Variants in CXorf38 observed in about 807,000 individuals in gnomAD.
CXorf38 encodes the protein chromosome X open reading frame 38, also known as uncharacterized protein CXorf38.
In CXorf38, 13 loss-of-function variants were observed where a neutral mutation model predicts 27.5. The ratio of observed to expected loss-of-function variants is 0.47; its 90% CI spans 0.31 to 0.75. The LOEUF is 0.75. Ranked by LOEUF, CXorf38 falls within the 30% of genes least tolerant of loss-of-function variation. The probability of loss-of-function intolerance (pLI) is 0.05; values close to 1 mark genes in which losing one functional copy is unlikely to be tolerated. For synonymous variants in CXorf38, 100 were observed against 99.8 expected, an observed-to-expected ratio of 1.00 and a Z score of -0.01; for missense variants, 240 against 253.2, an observed-to-expected ratio of 0.95 and a Z score of 0.35.
chrX:40,640,404 C>G (rs983104660), intron 2 of CXorf38: 2 of 216,237 alleles, frequency 9.2e-6, no homozygotes, highest in African/African-American at 3.0e-5. Context: ...AAACACATAT[C>G]AATAGGCAAG....
At chrX:40,638,854 C>T (rs1200341597) in intron 3 of CXorf38, among the ~76,000 whole-genome samples, 155 bp downstream of exon 3, 2 of 111,632 alleles carry the variant, frequency 1.8e-5, no homozygotes, top group Non-Finnish European at 3.8e-5. Flanking sequence ...AACTTCGAAC[C>T]CAAGTCTAAC....
intron 5 of CXorf38, among the ~76,000 whole-genome samples, chrX:40,631,868 C>T (rs1032631593): frequency 5.4e-5 from 6 of 110,923 alleles, no homozygotes; most frequent in Admixed American, 2.9e-4. Flanking sequence ...GTGGCCAGGA[C>T]GCACGGGGAG....
intron 2 of CXorf38, 111 bp downstream of exon 2, chrX:40,646,896 C>A: frequency 1.1e-6 from 1 of 898,273 alleles, no homozygotes; most frequent in Admixed American, 3.7e-5. Flanking sequence ...CTTGATCAAT[C>A]TCTCTCTCTG....
chrX:40,638,846 C>A (rs56387342), intron 3 of CXorf38, among the ~76,000 whole-genome samples, 163 bp downstream of exon 3: 3,221 of 111,704 alleles, frequency 0.029, 62 homozygotes, highest in Admixed American at 0.083. Context: ...GCGATGCCAA[C>A]TTCGAACCCA....
Position 40,630,697 on chromosome X carries a change from A to G in CXorf38, c.878T>C (p.Met293Thr), listed in dbSNP as rs758515372. The G allele has an allele frequency of 7.4e-6, 9 of 1,209,743 alleles. No homozygotes were observed. The Admixed American group carries it at 1.5e-4, about 20-fold the overall frequency. Reference sequence around the variant, plus strand: ...TAGACAGAGGCTGTCTAGCTTCTGCATATCTTCTGTAAGGCCATTTCTAAG... The same window carrying G: ...TAGACAGAGGCTGTCTAGCTTCTGCGTATCTTCTGTAAGGCCATTTCTAAG... The part of the protein sequence containing the change: ...EDLRNGLTED[M>T]QKLDSLCLHQ... The change falls in exon 6 of 7, where the codon ATG (methionine) becomes ACG (threonine). Residue 293 changes from methionine to threonine, a missense_variant. Coordinates refer to ENST00000327877, the MANE Select transcript of CXorf38 (RefSeq NM_144970.3).
intron 5 of CXorf38, 81 bp from the exon 6 acceptor site, chrX:40,630,854 C>T: frequency 1.1e-6 from 1 of 951,928 alleles, no homozygotes; most frequent in South Asian, 2.5e-5. Context: ...CTACTAGCTT[C>T]TAGACTGGCT....
intron 5 of CXorf38, 28 bp downstream of exon 5, chrX:40,636,505 C>A: frequency 9.2e-7 from 1 of 1,081,847 alleles, no homozygotes. Flanking sequence ...TGTTAACTCA[C>A]ACAGAGCCTA....
At chrX:40,633,287 G>A (rs544338587) in intron 5 of CXorf38, among the ~76,000 whole-genome samples, 1 of 110,093 alleles carries the variant, frequency 9.1e-6, no homozygotes. Context: ...CCATTTCTCT[G>A]ACCTCTTCAC....
intron 2 of CXorf38, among the ~76,000 whole-genome samples, chrX:40,645,585 G>A (rs1247913930): frequency 9.1e-6 from 1 of 109,560 alleles, no homozygotes; most frequent in Non-Finnish European, 1.9e-5. Flanking sequence ...TGGGTTTACC[G>A]GCTCGTGATA....
intron 3 of CXorf38, among the ~76,000 whole-genome samples, chrX:40,637,483 G>A (rs1476652044): frequency 9.0e-6 from 1 of 111,003 alleles, no homozygotes; most frequent in Non-Finnish European, 1.9e-5. Context: ...AGCTGGCCAT[G>A]TGTAATGGTA....
At position 40,636,724 on chromosome X, in the gene CXorf38, C is replaced by A; in HGVS notation, c.622-12G>T. 8.5e-7 allele frequency: 1 copy of A among 1,181,800 alleles called. No homozygotes were observed. The highest frequency in any genetic ancestry group is 1.1e-6 in the Non-Finnish European group (1 of 877,021). On this transcript the variant is annotated splice_polypyrimidine_tract_variant and intron_variant, in intron 4 of 6. Transcript: ENST00000327877. ...TCAGACGTCAACAGCTGAGGGATTG[C>A]CACACAAATATATGAACTGATTTCA...
At chrX:40,636,872 A>C in intron 4 of CXorf38, 135 bp downstream of exon 4, 1 of 807,026 alleles carries the variant, frequency 1.2e-6, no homozygotes, top group Non-Finnish European at 1.8e-6. Context: ...TACAGATTTC[A>C]TATTGGCATT....
Position 40,636,386 on chromosome X carries a change from G to C in CXorf38, c.801+147C>G, listed in dbSNP as rs1928064885. On this transcript the variant is annotated intron_variant, in intron 5 of 6. Coordinates refer to ENST00000327877, the MANE Select transcript of CXorf38 (RefSeq NM_144970.3). Reference sequence around the variant, plus strand: ...TTGTTAAGAGGTAATATTACTCTGTGCCAAAAGCATATTCACACTTCTGGA... The same window carrying C: ...TTGTTAAGAGGTAATATTACTCTGTCCCAAAAGCATATTCACACTTCTGGA... The C allele has an allele frequency of 7.2e-6, 3 of 417,608 alleles. No homozygotes were observed. The African/African-American group carries it at 7.4e-5, about 10-fold the overall frequency. The allele number at this position is 417,608 out of a possible 1,213,427, so 34.4% of individuals were successfully genotyped here.
chrX:40,643,068 G>A (rs1928405459), intron 2 of CXorf38, among the ~76,000 whole-genome samples: 1 of 108,938 alleles, frequency 9.2e-6, no homozygotes, highest in Non-Finnish European at 1.9e-5. Flanking sequence ...GAACCACCGC[G>A]CCCAGCCACG....
chrX:40,646,975 T>C (rs1174375432), intron 2 of CXorf38, 32 bp downstream of exon 2: 1 of 1,198,998 alleles, frequency 8.3e-7, no homozygotes, highest in South Asian at 1.8e-5. Context: ...GACCCGCCGC[T>C]TCCTCCTTCC....
chrX:40,634,857 C>G (rs1462440083), intron 5 of CXorf38, among the ~76,000 whole-genome samples: 1 of 112,281 alleles, frequency 8.9e-6, no homozygotes, highest in Non-Finnish European at 1.9e-5. Context: ...TTTATCAACT[C>G]CACCTAGAGA....
chrX:40,645,627 A>T (rs1330281799), intron 2 of CXorf38, among the ~76,000 whole-genome samples: 2 of 110,006 alleles, frequency 1.8e-5, no homozygotes, highest in Non-Finnish European at 3.8e-5. Context: ...GATACAGTTC[A>T]ATTTTTTAAG....
chrX:40,645,781 T>C (rs1468700686), intron 2 of CXorf38, among the ~76,000 whole-genome samples: 2 of 111,000 alleles, frequency 1.8e-5, no homozygotes, highest in African/African-American at 3.3e-5. Flanking sequence ...CACACCCAGC[T>C]AATTTTTGTA....
chrX:40,640,401 T>C (rs1051594224), intron 2 of CXorf38: 1 of 218,428 alleles, frequency 4.6e-6, no homozygotes, highest in Non-Finnish European at 8.5e-6. Context: ...TGAAAACACA[T>C]ATCAATAGGC....
Sources: gnomAD v4.1 joint callset for allele counts (sites outside exome capture counted in the v4.1 genomes callset) on GRCh38, gnomAD v4.1.1 for gene constraint, MANE v1.5 for transcripts, NCBI Gene and HGNC (gene_info 2026-07-23, HGNC 2026-07-21) for gene names.